SGCZ: variants seen among roughly 807,000 people sequenced by gnomAD.
The protein encoded by SGCZ is zeta-sarcoglycan.
In SGCZ, 40 loss-of-function variants were observed where a neutral mutation model predicts 41.3. The ratio of observed to expected loss-of-function variants is 0.97; its 90% CI spans 0.75 to 1.26. The LOEUF is 1.26. SGCZ is among the 50% of genes most tolerant of loss of function. The probability of loss-of-function intolerance (pLI) is 0.00; values close to 1 mark genes in which losing one functional copy is unlikely to be tolerated. For missense variants in SGCZ, 552 were observed against 369.8 expected (o/e 1.49, Z -4.04); for synonymous variants, 206 against 137.5 (o/e 1.50, Z -3.49).
At chr8:14,980,357 G>C (rs1032048931) in intron 1 of SGCZ, among the ~76,000 whole-genome samples, 7 of 152,192 alleles carry the variant, frequency 4.6e-5, no homozygotes, top group Admixed American at 3.9e-4. Flanking sequence ...CCCAAGTATT[G>C]ACTTGACATC....
intron 1 of SGCZ, among the ~76,000 whole-genome samples, chr8:14,833,572 G>C (rs1802600956): frequency 6.6e-6 from 1 of 152,128 alleles, no homozygotes; most frequent in Non-Finnish European, 1.5e-5. Context: ...ATTTGAAAGG[G>C]AGGATAGCCT....
intron 1 of SGCZ, among the ~76,000 whole-genome samples, chr8:14,925,373 T>C (rs988258423): frequency 1.3e-5 from 2 of 152,204 alleles, no homozygotes. Flanking sequence ...ACTCACAGCA[T>C]GGGAATCCCG....
intron 1 of SGCZ, among the ~76,000 whole-genome samples, chr8:14,971,308 C>A (rs76025438): frequency 0.02 from 3,060 of 152,072 alleles, 79 homozygotes; most frequent in South Asian, 0.11. Context: ...CAGTATAATA[C>A]CGAATAGAAA....
At chr8:14,397,065 C>T (rs1189704789) in intron 2 of SGCZ, among the ~76,000 whole-genome samples, 1 of 151,928 alleles carries the variant, frequency 6.6e-6, no homozygotes, top group Non-Finnish European at 1.5e-5. Context: ...GTAATTTTAC[C>T]TATTCCTCTC....
chr8:14,462,958 T>G (rs10113093), intron 2 of SGCZ, among the ~76,000 whole-genome samples: 66,297 of 151,258 alleles, frequency 0.44, 15,156 homozygotes, highest in African/African-American at 0.57. Flanking sequence ...ATTGTAAACT[T>G]AATTGCTTTT....
At chr8:14,661,153 G>T (rs568687870) in intron 1 of SGCZ, among the ~76,000 whole-genome samples, 42 of 152,174 alleles carry the variant, frequency 2.8e-4, no homozygotes, top group African/African-American at 9.4e-4. Flanking sequence ...AAAATAGAAG[G>T]TGCGTTTTAT....
intron 2 of SGCZ, among the ~76,000 whole-genome samples, chr8:14,497,457 G>A (rs568758994): frequency 1.3e-5 from 2 of 152,272 alleles, no homozygotes; most frequent in African/African-American, 4.8e-5. Context: ...ACACCCTGCA[G>A]GCTGAATGCA....
chr8:14,650,672 T>A (rs1195297573), intron 1 of SGCZ, among the ~76,000 whole-genome samples: 1 of 152,036 alleles, frequency 6.6e-6, no homozygotes, highest in African/African-American at 2.4e-5. Flanking sequence ...CTGAGAGTGA[T>A]TAGTAAAACT....
At chr8:15,095,160 G>A (rs546110554) in intron 1 of SGCZ, among the ~76,000 whole-genome samples, 8 of 152,194 alleles carry the variant, frequency 5.3e-5, no homozygotes, top group Admixed American at 1.3e-4. Context: ...GTGCAATGGC[G>A]TGATCTCAAC....
At chr8:14,190,621 G>A (rs1230583037) in intron 4 of SGCZ, among the ~76,000 whole-genome samples, 1 of 151,270 alleles carries the variant, frequency 6.6e-6, no homozygotes, top group Non-Finnish European at 1.5e-5. Context: ...TTGTTTTTTT[G>A]AGATGGAGTC....
chr8:15,222,180 G>A (rs1473315544), intron 1 of SGCZ, among the ~76,000 whole-genome samples: 2 of 152,124 alleles, frequency 1.3e-5, no homozygotes, highest in African/African-American at 4.8e-5. Context: ...ATATTCTAAA[G>A]GGGGCTAAAT....
At position 14,237,677 on chromosome 8, in the gene SGCZ, A is replaced by C. The variant is rs1368859161; in HGVS notation, c.339T>G (p.Asp113Glu). The change falls in exon 4 of 8, where the codon GAT (aspartate) becomes GAG (glutamate). Residue 113 changes from aspartate to glutamate, a missense_variant and splice_region_variant. By Grantham distance (45) the Asp-to-Glu change is conservative. Transcript: ENST00000382080. Reference protein sequence around the residue: ...LYVKEIHSRKDSPLVLQSDRN... With the variant: ...LYVKEIHSRKESPLVLQSDRN... Reference sequence around the variant, plus strand: ...TGTCAGACTGTAAGACCAGCGGACTATCCTGGGAAACATGTATAAAATAAA... The same window carrying C: ...TGTCAGACTGTAAGACCAGCGGACTCTCCTGGGAAACATGTATAAAATAAA... 2.5e-6 allele frequency: 4 copies of C among 1,610,132 alleles called. No individual in the cohort carries two copies. The highest frequency in any genetic ancestry group is 1.7e-6 in the Non-Finnish European group (2 of 1,178,486).
At chr8:14,264,148 T>G (rs1563221148) in intron 3 of SGCZ, among the ~76,000 whole-genome samples, 1 of 152,198 alleles carries the variant, frequency 6.6e-6, no homozygotes, top group East Asian at 1.9e-4. Flanking sequence ...ATAGCTGCCC[T>G]GGTCCCAGTG....
chr8:14,694,407 T>G (rs936929184), intron 1 of SGCZ, among the ~76,000 whole-genome samples: 1 of 152,184 alleles, frequency 6.6e-6, no homozygotes, highest in African/African-American at 2.4e-5. Flanking sequence ...AATTGGAAAA[T>G]TCATTAATAT....
At chr8:14,418,382 T>A (rs891506919) in intron 2 of SGCZ, among the ~76,000 whole-genome samples, 1 of 151,874 alleles carries the variant, frequency 6.6e-6, no homozygotes, top group African/African-American at 2.4e-5. Flanking sequence ...AGAAAGGGGA[T>A]TCCTGAGAGA....
At chr8:14,625,194 T>C (rs1369186857) in intron 1 of SGCZ, among the ~76,000 whole-genome samples, 2 of 152,214 alleles carry the variant, frequency 1.3e-5, no homozygotes, top group Non-Finnish European at 2.9e-5. Flanking sequence ...TAAGTTATTC[T>C]TATTTTAGTA....
At chr8:14,468,856 T>C (rs10108848) in intron 2 of SGCZ, among the ~76,000 whole-genome samples, 3,048 of 152,190 alleles carry the variant, frequency 0.02, 67 homozygotes, top group African/African-American at 0.05. Flanking sequence ...CTGCCCATCA[T>C]CTAACAAATA....
intron 2 of SGCZ, among the ~76,000 whole-genome samples, chr8:14,517,723 A>G (rs1802664619): frequency 6.6e-6 from 1 of 151,928 alleles, no homozygotes; most frequent in Non-Finnish European, 1.5e-5. Flanking sequence ...GCTTGATAAT[A>G]TTTTCAATTT....
chr8:15,016,388 C>T (rs929081440), intron 1 of SGCZ, among the ~76,000 whole-genome samples: 17 of 152,120 alleles, frequency 1.1e-4, no homozygotes, highest in African/African-American at 3.9e-4. Flanking sequence ...AATAACATGG[C>T]GATGGTAGGT....
Sources: gnomAD v4.1 joint callset for allele counts (sites outside exome capture counted in the v4.1 genomes callset) on GRCh38, gnomAD v4.1.1 for gene constraint, MANE v1.5 for transcripts, NCBI Gene and HGNC (gene_info 2026-07-23, HGNC 2026-07-21) for gene names.